CDH13: variants seen among roughly 807,000 people sequenced by gnomAD.
CDH13 encodes cadherin-13.
Under a neutral mutation model 63.8 loss-of-function variants are expected in CDH13, and 24 were observed. The observed-to-expected ratio is 0.38, with a 90% CI of 0.27 to 0.53. The LOEUF (loss-of-function observed/expected upper bound fraction) is 0.53. Among genes scored for constraint, CDH13 ranks in the 20% least tolerant of loss-of-function variants. CDH13 has a pLI of 0.85. For synonymous variants in CDH13, 503 were observed against 355.3 expected (o/e 1.42, Z -4.67); for missense variants, 1,049 against 903.1 (o/e 1.16, Z -2.07).
intron 2 of CDH13, among the ~76,000 whole-genome samples, chr16:82,946,483 G>A (rs1904729513): frequency 6.6e-6 from 1 of 152,166 alleles, no homozygotes; most frequent in East Asian, 1.9e-4. Context: ...ACTTTGTGAG[G>A]CCAAGGCAGG....
chr16:83,559,116 A>T lies in CDH13; in HGVS notation c.961-43338A>T, dbSNP rs530912579. 2.0e-5 allele frequency among the ~76,000 whole-genome samples: 3 copies of T among 152,342 alleles called. No individual in the cohort carries two copies. In the East Asian group the frequency reaches 5.8e-4, roughly 29 times the overall value. ...ATGTTAAGATCCACTGCCAGGAACT[A>T]GGAGGGCAGAGTGAAGACAGAGAAA... On this transcript the variant is annotated intron_variant, in intron 7 of 13. Transcript: ENST00000567109.
intron 1 of CDH13, among the ~76,000 whole-genome samples, chr16:82,781,566 A>G (rs970447623): frequency 4.6e-5 from 7 of 151,940 alleles, no homozygotes; most frequent in Non-Finnish European, 7.4e-5. Flanking sequence ...TCATCCATCC[A>G]TCCACCCACC....
chr16:82,864,512 G>C (rs2040053287), intron 2 of CDH13, among the ~76,000 whole-genome samples: 1 of 152,112 alleles, frequency 6.6e-6, no homozygotes, highest in Admixed American at 6.5e-5. Flanking sequence ...GAGAAGTGCT[G>C]AGATAAGGGG....
intron 1 of CDH13, among the ~76,000 whole-genome samples, chr16:82,627,424 TG>T (rs1457023725): frequency 6.6e-6 from 1 of 151,114 alleles, no homozygotes; most frequent in Non-Finnish European, 1.5e-5. Flanking sequence ...AGTCCTTTTT[TG>T]CTAGCAGGGG....
rs1567609721 is a variant in CDH13, at chr16:83,350,031, C to CA, written c.781+5025_781+5026insA. ...GCTAAGGGGCAGGTAGCTAGAATAT[C>CA]TACTCCCCCAAGTCTGATAATGAGA... On this transcript the variant is annotated intron_variant, in intron 6 of 13. Coordinates refer to ENST00000567109, the MANE Select transcript of CDH13 (RefSeq NM_001257.5). Among the ~76,000 whole-genome samples the CA allele has an allele frequency of 2.0e-5, 3 of 152,318 alleles. No homozygotes were observed. In the East Asian group the frequency reaches 5.8e-4, roughly 29 times the overall value.
At chr16:82,873,578 A>T (rs74032708) in intron 2 of CDH13, among the ~76,000 whole-genome samples, 3,310 of 152,318 alleles carry the variant, frequency 0.022, 104 homozygotes, top group African/African-American at 0.076. Context: ...TAAGCTACCC[A>T]AACTTCCAGC....
At chr16:82,796,940 G>T (rs974653784) in intron 1 of CDH13, among the ~76,000 whole-genome samples, 6 of 152,176 alleles carry the variant, frequency 3.9e-5, no homozygotes, top group Admixed American at 1.3e-4. Context: ...GGGTAAGTTT[G>T]CTCCTTACAA....
chr16:82,681,727 T>C (rs949051283), intron 1 of CDH13, among the ~76,000 whole-genome samples: 3 of 152,238 alleles, frequency 2.0e-5, no homozygotes. Context: ...CTGAGGGCTC[T>C]CTCCGGCTGC....
chr16:82,712,677 C>T lies in CDH13; in HGVS notation c.45+85540C>T, dbSNP rs115785329. 9.8e-3 allele frequency among the ~76,000 whole-genome samples: 1,494 copies of T among 152,244 alleles called. 28 individuals are homozygous for T. Among genetic ancestry groups the T allele is most frequent in the African/African-American group, 0.034 (1,419 of 41,540 alleles). ...TTAATTCCCCTGCCCCTTTTGTTTTCGTCAGGCCCCCTGAAGCCGCAGCTG... is the reference window on the plus strand; with the variant it reads ...TTAATTCCCCTGCCCCTTTTGTTTTTGTCAGGCCCCCTGAAGCCGCAGCTG... On this transcript the variant is annotated intron_variant, in intron 1 of 13. Coordinates refer to ENST00000567109, the MANE Select transcript of CDH13 (RefSeq NM_001257.5).
intron 2 of CDH13, among the ~76,000 whole-genome samples, chr16:83,025,684 T>A (rs1915737484): frequency 6.6e-6 from 1 of 152,120 alleles, no homozygotes; most frequent in African/African-American, 2.4e-5. Flanking sequence ...CAAGCCAGGA[T>A]TAGAAAAGGG....
chr16:83,375,628 C>T (rs776115169), intron 6 of CDH13, among the ~76,000 whole-genome samples: 20 of 152,028 alleles, frequency 1.3e-4, no homozygotes, highest in Non-Finnish European at 2.5e-4. Context: ...GGTAAATATC[C>T]CAGGAAAACA....
intron 6 of CDH13, among the ~76,000 whole-genome samples, chr16:83,384,374 C>T (rs1487669917): frequency 1.3e-5 from 2 of 152,164 alleles, no homozygotes; most frequent in Non-Finnish European, 2.9e-5. Flanking sequence ...TTTCTTCCCT[C>T]CAAGTCCCCC....
intron 1 of CDH13, among the ~76,000 whole-genome samples, chr16:82,766,619 AC>A (rs2035062039): frequency 6.6e-6 from 1 of 152,188 alleles, no homozygotes; most frequent in Non-Finnish European, 1.5e-5. Flanking sequence ...TCATACAGAG[AC>A]AGTGGTCACT....
At chr16:83,277,158 G>C (rs1483466566) in intron 5 of CDH13, among the ~76,000 whole-genome samples, 1 of 152,132 alleles carries the variant, frequency 6.6e-6, no homozygotes. Context: ...TGGATAGGTG[G>C]ATTCATTGGT....
chr16:82,806,665 G>C (rs544651043), intron 1 of CDH13, among the ~76,000 whole-genome samples: 68 of 152,242 alleles, frequency 4.5e-4, no homozygotes, highest in African/African-American at 1.4e-3. Flanking sequence ...TTTTGTTGTT[G>C]TTGTTGTTGT....
intron 3 of CDH13, among the ~76,000 whole-genome samples, chr16:83,040,109 G>A (rs1207631700): frequency 1.3e-5 from 2 of 151,532 alleles, no homozygotes; most frequent in African/African-American, 2.4e-5. Flanking sequence ...ATCACTCTGG[G>A]GCCAGACCAC....
intron 1 of CDH13, among the ~76,000 whole-genome samples, chr16:82,631,508 T>C (rs1251195647): frequency 6.6e-6 from 1 of 152,238 alleles, no homozygotes; most frequent in Non-Finnish European, 1.5e-5. Context: ...GGTTTTGGCA[T>C]TGTTTCTATT....
At chr16:82,750,924 A>G (rs1356786877) in intron 1 of CDH13, among the ~76,000 whole-genome samples, 3 of 152,162 alleles carry the variant, frequency 2.0e-5, no homozygotes, top group African/African-American at 7.2e-5. Context: ...AATATTCTTA[A>G]TTTAGACACA....
chr16:83,658,494 C>G (rs1913101513), intron 8 of CDH13, among the ~76,000 whole-genome samples: 1 of 147,132 alleles, frequency 6.8e-6, no homozygotes, highest in African/African-American at 2.5e-5. Flanking sequence ...CGTATCCTCA[C>G]CAGCAAGGTC....
Sources: gnomAD v4.1 joint callset for allele counts (sites outside exome capture counted in the v4.1 genomes callset) on GRCh38, gnomAD v4.1.1 for gene constraint, MANE v1.5 for transcripts, NCBI Gene and HGNC (gene_info 2026-07-23, HGNC 2026-07-21) for gene names.